The following EEFSEC variants were observed in gnomAD, a reference collection of about 807,000 sequenced individuals.
EEFSEC encodes the protein selenocysteine-specific elongation factor.
In EEFSEC, 43 loss-of-function variants were observed where a neutral mutation model predicts 42.1. The ratio of observed to expected loss-of-function variants is 1.02; its 90% CI spans 0.80 to 1.32. The LOEUF is 1.32. EEFSEC is among the 40% of genes most tolerant of loss of function. The pLI, the probability that EEFSEC is intolerant of heterozygous loss-of-function variation, is 0.00. For missense variants in EEFSEC, 745 were observed against 803.6 expected, an observed-to-expected ratio of 0.93 and a Z score of 0.88; for synonymous variants, 354 against 339.1, an observed-to-expected ratio of 1.04 and a Z score of -0.48.
At chr3:128,351,630 A>C (rs1273357794) in intron 5 of EEFSEC, among the ~76,000 whole-genome samples, 2 of 152,202 alleles carry the variant, frequency 1.3e-5, no homozygotes, top group African/African-American at 2.4e-5. Context: ...GGCAATTCCC[A>C]AGCCTCATCA....
At chr3:128,358,583 G>A (rs1010723132) in intron 6 of EEFSEC, among the ~76,000 whole-genome samples, 4 of 152,204 alleles carry the variant, frequency 2.6e-5, no homozygotes, top group African/African-American at 4.8e-5. Flanking sequence ...TGAAGATCTG[G>A]TCTGAGCAGG....
chr3:128,409,808 C>T (rs575154231), downstream of EEFSEC, among the ~76,000 whole-genome samples: 1 of 152,276 alleles, frequency 6.6e-6, no homozygotes, highest in African/African-American at 2.4e-5. Context: ...CCTGACCCCA[C>T]TGTGTGCTGT....
At chr3:128,296,561 C>T (rs1288144261) in intron 4 of EEFSEC, among the ~76,000 whole-genome samples, 1 of 152,198 alleles carries the variant, frequency 6.6e-6, no homozygotes, top group Non-Finnish European at 1.5e-5. Flanking sequence ...CATGCACAGA[C>T]CTGCAGGGCC....
intron 1 of EEFSEC, among the ~76,000 whole-genome samples, chr3:128,198,179 C>T (rs2065605966): frequency 6.6e-6 from 1 of 152,196 alleles, no homozygotes; most frequent in Non-Finnish European, 1.5e-5. Flanking sequence ...GAGAGGTCAG[C>T]TCTTCTTGCC....
At chr3:128,244,471 CT>C (rs34606977) in intron 1 of EEFSEC, among the ~76,000 whole-genome samples, 23,294 of 134,362 alleles carry the variant, frequency 0.17, 1,836 homozygotes, top group South Asian at 0.3. Context: ...ATTGGGGAGT[CT>C]TTTTTTTTTT....
intron 6 of EEFSEC, among the ~76,000 whole-genome samples, chr3:128,382,401 C>T (rs890216454): frequency 2.0e-5 from 3 of 152,240 alleles, no homozygotes; most frequent in African/African-American, 4.8e-5. Context: ...CCAGCAGGAG[C>T]TGTGTGGGCT....
chr3:128,263,621 G>C (rs2066321148), intron 3 of EEFSEC, among the ~76,000 whole-genome samples: 1 of 152,188 alleles, frequency 6.6e-6, no homozygotes, highest in Non-Finnish European at 1.5e-5. Context: ...AGCCTGTTTT[G>C]TTTGAATCTC....
chr3:128,309,597 T>G (rs1389499897), intron 4 of EEFSEC, among the ~76,000 whole-genome samples: 2 of 152,136 alleles, frequency 1.3e-5, no homozygotes, highest in Non-Finnish European at 2.9e-5. Flanking sequence ...TGGCCATAAG[T>G]CATGGTGACT....
At chr3:128,298,253 T>C (rs746560069) in intron 4 of EEFSEC, among the ~76,000 whole-genome samples, 4 of 152,198 alleles carry the variant, frequency 2.6e-5, no homozygotes, top group Admixed American at 6.5e-5. Flanking sequence ...GCTCAAGCGA[T>C]CTTCCTACCT....
At chr3:128,409,476 G>C (rs1704153422), downstream of EEFSEC, among the ~76,000 whole-genome samples, 3 of 152,264 alleles carry the variant, frequency 2.0e-5, no homozygotes, top group South Asian at 6.2e-4. Flanking sequence ...TACCAGCGAT[G>C]GCGACTGGCC....
At chr3:128,301,270 C>A (rs185176577) in intron 4 of EEFSEC, among the ~76,000 whole-genome samples, 3 of 152,324 alleles carry the variant, frequency 2.0e-5, no homozygotes. Context: ...TGCACCCATG[C>A]AGCTCCTCCG....
intron 6 of EEFSEC, 72 bp downstream of exon 6, chr3:128,358,445 A>AG: frequency 1.3e-6 from 2 of 1,571,418 alleles, no homozygotes; most frequent in Non-Finnish European, 1.7e-6. Flanking sequence ...GGTGATGCCA[A>AG]GGTGGCGCTC....
At chr3:128,344,318 G>A (rs565593510) in intron 5 of EEFSEC, among the ~76,000 whole-genome samples, 31 of 152,202 alleles carry the variant, frequency 2.0e-4, no homozygotes, top group Non-Finnish European at 3.2e-4. Flanking sequence ...ATAACCCTGA[G>A]GAAGAGGTCA....
At chr3:128,381,316 G>A (rs1437855568) in intron 6 of EEFSEC, among the ~76,000 whole-genome samples, 1 of 152,214 alleles carries the variant, frequency 6.6e-6, no homozygotes, top group Non-Finnish European at 1.5e-5. Context: ...GGGTTGGGCG[G>A]CTGGTGTATA....
At chr3:128,204,827 C>T (rs1236065919) in intron 1 of EEFSEC, among the ~76,000 whole-genome samples, 1 of 152,040 alleles carries the variant, frequency 6.6e-6, no homozygotes, top group East Asian at 1.9e-4. Context: ...TGAGACCCAC[C>T]CAGCCATTTT....
At chr3:128,306,071 T>G (rs1220397480) in intron 4 of EEFSEC, among the ~76,000 whole-genome samples, 1 of 152,220 alleles carries the variant, frequency 6.6e-6, no homozygotes. Context: ...TTTTTTCCCC[T>G]CTTTGTTTTG....
intron 1 of EEFSEC, among the ~76,000 whole-genome samples, chr3:128,223,730 A>G (rs965687960): frequency 5.3e-5 from 8 of 152,248 alleles, no homozygotes; most frequent in Admixed American, 2.6e-4. Flanking sequence ...GCCTTGGACC[A>G]GCACCTGGTG....
At chr3:128,412,287 G>T (rs1269854600), downstream of EEFSEC, among the ~76,000 whole-genome samples, 1 of 152,250 alleles carries the variant, frequency 6.6e-6, no homozygotes, top group African/African-American at 2.4e-5. Flanking sequence ...TCTGGGGAGT[G>T]CAGGAGCCTG....
chr3:128,193,831 G>A (rs1003914612), intron 1 of EEFSEC, among the ~76,000 whole-genome samples: 4 of 152,174 alleles, frequency 2.6e-5, no homozygotes, highest in African/African-American at 9.7e-5. Flanking sequence ...CCTCCCTCCA[G>A]AGGAGGAGGG....
Sources: gnomAD v4.1 joint callset for allele counts (sites outside exome capture counted in the v4.1 genomes callset) on GRCh38, gnomAD v4.1.1 for gene constraint, MANE v1.5 for transcripts, NCBI Gene and HGNC (gene_info 2026-07-23, HGNC 2026-07-21) for gene names.